The following GABRG1 variants were observed in gnomAD, a reference collection of about 807,000 sequenced individuals.
The protein encoded by GABRG1 is gamma-aminobutyric acid type A receptor subunit gamma1.
In GABRG1, 49 loss-of-function variants were observed where a neutral mutation model predicts 49.8. That is an observed-to-expected ratio of 0.98 (90% CI 0.78 to 1.25). The LOEUF (loss-of-function observed/expected upper bound fraction) is 1.25. Ranked by LOEUF, GABRG1 falls within the 50% of genes most tolerant of loss-of-function variation. GABRG1 has a pLI of 0.00. For missense variants in GABRG1, 552 were observed against 552.3 expected (o/e 1.00, Z 0.01); for synonymous variants, 232 against 185.1 (o/e 1.25, Z -2.06).
intron 8 of GABRG1, among the ~76,000 whole-genome samples, chr4:46,048,706 G>T (rs1718098212): frequency 1.3e-5 from 2 of 151,080 alleles, no homozygotes; most frequent in African/African-American, 4.9e-5. Flanking sequence ...GGAAAAGCAA[G>T]GAAGGAAAAA....
rs895496480 is a variant in GABRG1 at position 46,097,792 on chromosome 4, G to A, written c.105-443C>T. ...CTGGTAAAATGTACAAAAAATGGAT[G>A]TGTAGAAAAGAAGAATTAAGAAAAA... is the stretch of plus-strand genomic sequence containing the variant. On this transcript the variant is annotated intron_variant, in intron 1 of 8. Transcript: ENST00000295452. Among the ~76,000 whole-genome samples the A allele has an allele frequency of 8.6e-5, 13 of 151,652 alleles. No individual in the cohort carries two copies. The Admixed American group carries it at 8.6e-4, about 10-fold the overall frequency.
At chr4:46,092,582 A>G (rs1333920199) in intron 2 of GABRG1, among the ~76,000 whole-genome samples, 2 of 152,054 alleles carry the variant, frequency 1.3e-5, no homozygotes, top group Non-Finnish European at 2.9e-5. Flanking sequence ...ATAGAAAGGT[A>G]GTCGATTTAA....
intron 3 of GABRG1, among the ~76,000 whole-genome samples, chr4:46,077,250 T>C (rs1719384794): frequency 6.6e-6 from 1 of 151,692 alleles, no homozygotes; most frequent in Admixed American, 6.6e-5. Flanking sequence ...TGTATACATA[T>C]GTAACAAACC....
Position 46,056,138 on chromosome 4 carries a change from TA to T in GABRG1, c.916+2078del, listed in dbSNP as rs1473383568. Among the ~76,000 whole-genome samples the T allele has an allele frequency of 2.9e-3, 23 of 7,886 alleles. 3 individuals carry two copies. Among genetic ancestry groups the T allele is most frequent in the African/African-American group, 0.019 (22 of 1,188 alleles). The allele number at this position is 7,886 out of a possible 152,430, so 5.2% of individuals were successfully genotyped here. On this transcript the variant is annotated intron_variant, in intron 7 of 8. Coordinates refer to ENST00000295452, the MANE Select transcript of GABRG1 (RefSeq NM_173536.4). ...AAAAAAGAAAGGAAAAAAAAAAAAA[TA>T]AATAAATAAATTAAAAAAAAAAAAA... is the stretch of plus-strand genomic sequence containing the variant.
intron 3 of GABRG1, among the ~76,000 whole-genome samples, chr4:46,070,457 A>C (rs978932622): frequency 2.6e-5 from 4 of 152,000 alleles, no homozygotes; most frequent in East Asian, 1.9e-4. Flanking sequence ...GTTCTTAAGA[A>C]GTTACAATAA....
At chr4:46,064,320 A>G (rs1311041360) in intron 5 of GABRG1, 121 bp downstream of exon 5, 1 of 536,332 alleles carries the variant, frequency 1.9e-6, no homozygotes, top group East Asian at 3.6e-5. Flanking sequence ...TATTTTATCT[A>G]AAAGAATTGA....
chr4:46,090,933 TACACAC>T (rs34374380), intron 2 of GABRG1, among the ~76,000 whole-genome samples: 2 of 139,268 alleles, frequency 1.4e-5, no homozygotes, highest in African/African-American at 2.7e-5. Flanking sequence ...TTCCCTGGAA[TACACAC>T]ACACACACAC....
chr4:46,077,075 G>A (rs950122801), intron 3 of GABRG1, among the ~76,000 whole-genome samples: 8 of 140,752 alleles, frequency 5.7e-5, no homozygotes, highest in Admixed American at 5.1e-4. Flanking sequence ...TAAAAAATCC[G>A]TTAAATGTTG....
intron 2 of GABRG1, among the ~76,000 whole-genome samples, chr4:46,090,955 TACAC>T (rs61288916): frequency 0.16 from 21,385 of 131,128 alleles, 1,832 homozygotes; most frequent in African/African-American, 0.24. Flanking sequence ...CACACACACA[TACAC>T]ACACACACAC....
chr4:46,043,463 G>A (rs1462424709), intron 8 of GABRG1, among the ~76,000 whole-genome samples: 1 of 151,622 alleles, frequency 6.6e-6, no homozygotes, highest in Non-Finnish European at 1.5e-5. Flanking sequence ...TAAATGCTGA[G>A]AAAAATAGCC....
chr4:46,096,545 G>C (rs774896062), intron 2 of GABRG1, among the ~76,000 whole-genome samples: 1 of 151,658 alleles, frequency 6.6e-6, no homozygotes, highest in Non-Finnish European at 1.5e-5. Context: ...TCACTGCTCA[G>C]TTTCTTAAAC....
At position 46,065,399 on chromosome 4, in the gene GABRG1, T is replaced by G. The variant is rs758834261; in HGVS notation, c.507A>C (p.Arg169=). 10 of 1,612,984 alleles carry G rather than the reference T, an allele frequency of 6.2e-6. No homozygotes were observed. The African/African-American group carries it at 1.1e-4, about 17-fold the overall frequency. ...HWITTPNRLL[R]IWNDGRVLYT... ...ACAGAACTCGTCCATCATTCCAAAT[T>G]CGAAGCAGACGATTAGGAGTTGTTA... Residue 169 remains arginine (R), a synonymous_variant, in exon 4 of 9, where the codon CGA becomes CGC. Coordinates refer to ENST00000295452, the MANE Select transcript of GABRG1 (RefSeq NM_173536.4).
chr4:46,062,300 A>G (rs940416476), intron 5 of GABRG1, among the ~76,000 whole-genome samples: 106 of 151,664 alleles, frequency 7.0e-4, no homozygotes, highest in Non-Finnish European at 1.3e-3. Context: ...GTTGGTTCCA[A>G]GTCTTTGCTA....
rs753135058 is a variant in GABRG1 at position 46,041,186 on chromosome 4, ATCT to A, written c.1197_1199del (p.Glu399del). ...CCTCCAAACACTGATACCCATAATC[ATCT>A]TCTTGCGGCACAGAAATATTATTCA... On this transcript the variant is annotated inframe_deletion, in exon 9 of 9. Coordinates refer to ENST00000295452, the MANE Select transcript of GABRG1 (RefSeq NM_173536.4). 5.8e-5 allele frequency: 93 copies of A among 1,612,910 alleles called. No individual in the cohort carries two copies. Among genetic ancestry groups the A allele is most frequent in the Non-Finnish European group, 7.4e-5 (87 of 1,179,308 alleles).
intron 5 of GABRG1, among the ~76,000 whole-genome samples, chr4:46,062,097 A>G (rs1191736283): frequency 1.5e-5 from 2 of 137,454 alleles, no homozygotes; most frequent in African/African-American, 5.5e-5. Context: ...TCATTGTTCA[A>G]TTCCCATCTA....
chr4:46,123,479 G>T (rs1721158483), intron 1 of GABRG1, among the ~76,000 whole-genome samples: 1 of 151,886 alleles, frequency 6.6e-6, no homozygotes, highest in South Asian at 2.1e-4. Context: ...TTCTTCGGTG[G>T]CATTCATTCA....
chr4:46,112,673 A>T (rs1720757297), intron 1 of GABRG1, among the ~76,000 whole-genome samples: 2 of 150,970 alleles, frequency 1.3e-5, no homozygotes, highest in African/African-American at 4.8e-5. Context: ...AAACAACAAA[A>T]TTGTGTTTTT....
rs760940296 is a variant in GABRG1, at chr4:46,097,189, A to T, written c.253+12T>A. 3.1e-6 allele frequency: 5 copies of T among 1,592,422 alleles called. No individual in the cohort carries two copies. Among genetic ancestry groups the T allele is most frequent in the Non-Finnish European group, 4.3e-6 (5 of 1,170,478 alleles). The stretch of plus-strand genomic sequence containing the variant: ...TGGTCATCAAAATCCCAGAATGGTA[A>T]CTCAAGCTTACCTCCTATATCTGGA... On this transcript the variant is annotated intron_variant, in intron 2 of 8. Coordinates refer to ENST00000295452, the MANE Select transcript of GABRG1 (RefSeq NM_173536.4).
At chr4:46,089,423 T>G (rs1465006035) in intron 2 of GABRG1, among the ~76,000 whole-genome samples, 1 of 151,772 alleles carries the variant, frequency 6.6e-6, no homozygotes, top group African/African-American at 2.4e-5. Flanking sequence ...TCTTTATATC[T>G]CCCCCATGTC....
Sources: allele counts gnomAD v4.1 joint callset (sites outside exome capture counted in the v4.1 genomes callset), GRCh38; gene constraint gnomAD v4.1.1; transcripts MANE v1.5; gene names NCBI Gene and HGNC (gene_info 2026-07-23, HGNC 2026-07-21).